Variants in ACOXL observed in about 807,000 individuals in gnomAD.
ACOXL encodes the protein acyl-coenzyme A oxidase-like protein.
Under a neutral mutation model 71.9 loss-of-function variants are expected in ACOXL, and 70 were observed. The observed-to-expected ratio is 0.97, with a 90% CI of 0.80 to 1.19. The LOEUF is 1.19. Among genes scored for constraint, ACOXL ranks in the 50% most tolerant of loss-of-function variants. The pLI, the probability that ACOXL is intolerant of heterozygous loss-of-function variation, is 0.00. For missense variants in ACOXL, 703 were observed against 736.3 expected (o/e 0.95, Z 0.52); for synonymous variants, 253 against 281.6 (o/e 0.90, Z 1.02).
chr2:110,923,828 C>T (rs953203912), intron 11 of ACOXL, among the ~76,000 whole-genome samples: 2 of 151,644 alleles, frequency 1.3e-5, no homozygotes, highest in African/African-American at 4.9e-5. Context: ...CCCAGCTACT[C>T]GGGAGGCTGA....
intron 12 of ACOXL, among the ~76,000 whole-genome samples, chr2:110,983,942 C>T (rs778163300): frequency 4.6e-5 from 7 of 152,074 alleles, no homozygotes; most frequent in Admixed American, 6.6e-5. Flanking sequence ...CTCCGTCTCC[C>T]GGGTTCAAGT....
At chr2:110,837,729 G>A (rs1690627601) in intron 9 of ACOXL, among the ~76,000 whole-genome samples, 1 of 151,992 alleles carries the variant, frequency 6.6e-6, no homozygotes, top group Admixed American at 6.5e-5. Context: ...TTGAAATGTT[G>A]AATTACTCTT....
At chr2:111,046,667 C>T (rs1248161276) in intron 15 of ACOXL, among the ~76,000 whole-genome samples, 1 of 152,182 alleles carries the variant, frequency 6.6e-6, no homozygotes, top group East Asian at 1.9e-4. Flanking sequence ...CCCCATGATT[C>T]ATTTACCTCC....
At chr2:110,749,597 G>A (rs181650838) in intron 1 of ACOXL, among the ~76,000 whole-genome samples, 2 of 152,252 alleles carry the variant, frequency 1.3e-5, no homozygotes, top group East Asian at 1.9e-4. Context: ...GCACGGTGGC[G>A]GGCACTTGTC....
At chr2:111,017,089 G>C (rs766176180) in intron 14 of ACOXL, among the ~76,000 whole-genome samples, 5 of 152,242 alleles carry the variant, frequency 3.3e-5, no homozygotes, top group Non-Finnish European at 7.3e-5. Flanking sequence ...TTGCTAGTGA[G>C]TTTGACTTGG....
At chr2:110,860,430 T>C (rs924809370) in intron 10 of ACOXL, among the ~76,000 whole-genome samples, 3 of 152,166 alleles carry the variant, frequency 2.0e-5, no homozygotes, top group Admixed American at 2.0e-4. Flanking sequence ...TGAATAGCCA[T>C]TTTCTAATCC....
intron 13 of ACOXL, among the ~76,000 whole-genome samples, chr2:110,992,800 A>C (rs1373321515): frequency 6.6e-6 from 1 of 151,786 alleles, no homozygotes; most frequent in African/African-American, 2.4e-5. Context: ...GGCCCCTCCC[A>C]CTCTCATCAG....
intron 16 of ACOXL, among the ~76,000 whole-genome samples, chr2:111,071,195 G>T (rs2067323899): frequency 1.3e-5 from 2 of 152,058 alleles, no homozygotes; most frequent in South Asian, 4.1e-4. Flanking sequence ...AGTTTGGAAG[G>T]AAAAGAGACT....
intron 12 of ACOXL, chr2:110,963,504 T>C: frequency 7.6e-7 from 1 of 1,323,146 alleles, no homozygotes; most frequent in Non-Finnish European, 9.7e-7. Context: ...CAATTTTCTG[T>C]ATATTTTTTA....
chr2:110,893,964 G>T (rs1167708339), intron 10 of ACOXL, among the ~76,000 whole-genome samples: 2 of 151,996 alleles, frequency 1.3e-5, no homozygotes, highest in African/African-American at 4.8e-5. Flanking sequence ...TCTGTGCATG[G>T]CCTCTCTTTC....
intron 16 of ACOXL, among the ~76,000 whole-genome samples, chr2:111,070,668 T>C (rs1017336047): frequency 1.3e-5 from 2 of 152,210 alleles, no homozygotes; most frequent in Admixed American, 6.5e-5. Flanking sequence ...AAAAAGTCTT[T>C]GCTTACCTTC....
intron 9 of ACOXL, among the ~76,000 whole-genome samples, chr2:110,813,387 C>T (rs1687567419): frequency 6.6e-6 from 1 of 152,196 alleles, no homozygotes; most frequent in Non-Finnish European, 1.5e-5. Context: ...ATTGTGACTG[C>T]TTCCCAGTGC....
At chr2:110,783,734 T>G (rs2105158668) in intron 2 of ACOXL, among the ~76,000 whole-genome samples, 1 of 152,192 alleles carries the variant, frequency 6.6e-6, no homozygotes, top group East Asian at 1.9e-4. Context: ...TACATACACA[T>G]ACACATGGGT....
chr2:110,840,548 G>A (rs1318508330), intron 9 of ACOXL, among the ~76,000 whole-genome samples: 3 of 152,186 alleles, frequency 2.0e-5, no homozygotes, highest in Non-Finnish European at 4.4e-5. Context: ...TTAAGGCTCT[G>A]ACAGTTTCAA....
At chr2:111,051,924 T>C (rs1036572528) in intron 16 of ACOXL, among the ~76,000 whole-genome samples, 3 of 152,160 alleles carry the variant, frequency 2.0e-5, no homozygotes, top group African/African-American at 7.2e-5. Flanking sequence ...GGTCCATGAT[T>C]GTCCCAGGCA....
At chr2:110,920,449 A>C (rs911141515) in intron 11 of ACOXL, among the ~76,000 whole-genome samples, 6 of 152,122 alleles carry the variant, frequency 3.9e-5, no homozygotes, top group African/African-American at 1.4e-4. Flanking sequence ...TGTTGAGTGC[A>C]AGAGTTCTTT....
At chr2:111,113,154 G>A (rs377137938) in intron 17 of ACOXL, 3 of 152,342 alleles carry the variant, frequency 2.0e-5, no homozygotes, top group African/African-American at 7.2e-5. Context: ...GAAGCAGTGA[G>A]GCACTGGGGG....
intron 11 of ACOXL, among the ~76,000 whole-genome samples, chr2:110,921,224 G>A (rs2060055304): frequency 6.6e-6 from 1 of 152,174 alleles, no homozygotes; most frequent in African/African-American, 2.4e-5. Context: ...AGTTTGGATA[G>A]AGGCCTATCA....
At chr2:110,902,430 A>G (rs536532445) in intron 10 of ACOXL, among the ~76,000 whole-genome samples, 5 of 152,324 alleles carry the variant, frequency 3.3e-5, no homozygotes, top group African/African-American at 1.2e-4. Context: ...AGATTGTACC[A>G]CTATACTCCA....
Sources: gnomAD v4.1 joint callset for allele counts (sites outside exome capture counted in the v4.1 genomes callset) on GRCh38, gnomAD v4.1.1 for gene constraint, MANE v1.5 for transcripts, NCBI Gene and HGNC (gene_info 2026-07-23, HGNC 2026-07-21) for gene names.